Variants in AGPAT3 observed in about 807,000 individuals in gnomAD.
The protein encoded by AGPAT3 is 1-acylglycerol-3-phosphate O-acyltransferase 3.
AGPAT3 carries 5 observed loss-of-function variants against 47.3 expected under a neutral mutation model. That is an observed-to-expected ratio of 0.11 (90% confidence interval 0.06 to 0.22). AGPAT3 has a LOEUF of 0.22. Ranked by LOEUF, AGPAT3 falls within the 10% of genes least tolerant of loss-of-function variation. The pLI, the probability that AGPAT3 is intolerant of heterozygous loss-of-function variation, is 1.00. For missense variants in AGPAT3, 315 were observed against 493.0 expected (o/e 0.64, Z 3.42); for synonymous variants, 212 against 208.3 (o/e 1.02, Z -0.15).
At chr21:43,929,586 G>A (rs1428870772) in intron 2 of AGPAT3, among the ~76,000 whole-genome samples, 1 of 152,256 alleles carries the variant, frequency 6.6e-6, no homozygotes, top group Non-Finnish European at 1.5e-5. Flanking sequence ...TCCCCCGGTC[G>A]CCGCTGTCCT....
chr21:43,963,570 C>T (rs918581497), intron 3 of AGPAT3, among the ~76,000 whole-genome samples: 1 of 151,866 alleles, frequency 6.6e-6, no homozygotes, highest in African/African-American at 2.4e-5. Flanking sequence ...ATTAGCTGGG[C>T]CTGGTGGCAC....
At chr21:43,964,751 T>G (rs2089043340) in intron 3 of AGPAT3, among the ~76,000 whole-genome samples, 1 of 152,194 alleles carries the variant, frequency 6.6e-6, no homozygotes, top group Non-Finnish European at 1.5e-5. Flanking sequence ...GGCCTCTCCA[T>G]CTGCTGGGCT....
rs2088325695 is a variant in AGPAT3 at position 43,954,067 on chromosome 21, A to G, written c.-48-5567A>G. On this transcript the variant is annotated intron_variant, in intron 2 of 9. Coordinates refer to ENST00000291572, the MANE Select transcript of AGPAT3 (RefSeq NM_020132.5). The surrounding 1 kb of genome is among the most constrained non-coding windows in gnomAD (Gnocchi z 4.0). Reference sequence around the variant, plus strand: ...AACTTCACATTGTCTGGGGATGCATAATTTCCTAAAAATCGCTCTCATGGG... The same window carrying G: ...AACTTCACATTGTCTGGGGATGCATGATTTCCTAAAAATCGCTCTCATGGG... Among the ~76,000 whole-genome samples the G allele has an allele frequency of 6.6e-6, 1 of 152,254 alleles. No homozygotes were observed. Among genetic ancestry groups the G allele is most frequent in the African/African-American group, 2.4e-5 (1 of 41,476 alleles).
chr21:43,883,005 G>A (rs2085888173), intron 1 of AGPAT3, among the ~76,000 whole-genome samples: 1 of 152,368 alleles, frequency 6.6e-6, no homozygotes, highest in Admixed American at 6.5e-5. Context: ...CTGGAAGGCA[G>A]GAGAGAGCAA....
intron 2 of AGPAT3, among the ~76,000 whole-genome samples, chr21:43,947,924 G>A (rs2087980958): frequency 6.6e-6 from 1 of 152,134 alleles, no homozygotes; most frequent in African/African-American, 2.4e-5. Context: ...CCAAAGTGCT[G>A]GGATTACAGG....
rs1440500234 is a variant in AGPAT3 at position 43,959,118 on chromosome 21, T to C, written c.-48-516T>C. On this transcript the variant is annotated intron_variant, in intron 2 of 9. Coordinates refer to ENST00000291572, the MANE Select transcript of AGPAT3 (RefSeq NM_020132.5). ...TGTCATGTGTGTGGTTTGCAGTGTGTGTGTGTGGCATGTGTTTGGTTTGCG... is the reference window on the plus strand; with the variant it reads ...TGTCATGTGTGTGGTTTGCAGTGTGCGTGTGTGGCATGTGTTTGGTTTGCG... Among the ~76,000 whole-genome samples the C allele has an allele frequency of 3.6e-5, 5 of 139,408 alleles. No homozygotes were observed. In the Admixed American group the frequency reaches 3.7e-4, roughly 10 times the overall value. 91.5% of individuals were successfully genotyped at this position (139,408 alleles called of 152,430 possible). A position where few individuals can be genotyped will look rare whatever the true frequency, so the allele number is the denominator to read the frequency against.
intron 2 of AGPAT3, among the ~76,000 whole-genome samples, chr21:43,918,437 A>C (rs937672127): frequency 6.6e-6 from 1 of 152,068 alleles, no homozygotes; most frequent in African/African-American, 2.4e-5. Context: ...TTGCATTTCT[A>C]AAGGGCTATG....
chr21:43,929,743 T>C (rs894645175), intron 2 of AGPAT3, among the ~76,000 whole-genome samples: 15 of 152,278 alleles, frequency 9.9e-5, no homozygotes, highest in African/African-American at 3.4e-4. Flanking sequence ...TTCCTCAGGC[T>C]GGAGGGTGGG....
chr21:43,971,362 A>C, intron 6 of AGPAT3, 26 bp from the exon 7 acceptor site: 1 of 1,608,530 alleles, frequency 6.2e-7, no homozygotes, highest in Non-Finnish European at 8.5e-7. Flanking sequence ...GGGCTGGGTC[A>C]TTCACCCTCC....
chr21:43,942,116 C>T (rs541117301), intron 2 of AGPAT3, among the ~76,000 whole-genome samples: 35 of 152,402 alleles, frequency 2.3e-4, no homozygotes, highest in African/African-American at 7.0e-4. Flanking sequence ...GCCGTGGCAG[C>T]GTACCCACAG....
At chr21:43,976,410 G>A (rs1204662398) in intron 7 of AGPAT3, among the ~76,000 whole-genome samples, 1 of 152,224 alleles carries the variant, frequency 6.6e-6, no homozygotes, top group African/African-American at 2.4e-5. Flanking sequence ...ATGTTGGTCA[G>A]GCTGGTCTTG....
At chr21:43,944,724 C>G (rs1397399655) in intron 2 of AGPAT3, among the ~76,000 whole-genome samples, 2 of 152,206 alleles carry the variant, frequency 1.3e-5, no homozygotes, top group Admixed American at 6.5e-5. Flanking sequence ...TGGGTTTCAT[C>G]TAAGCTTTTT....
chr21:43,884,293 T>C (rs62228695), intron 1 of AGPAT3, among the ~76,000 whole-genome samples: 3,914 of 130,500 alleles, frequency 0.03, 63 homozygotes, highest in Middle Eastern at 0.078. Flanking sequence ...CCCTCCTCCT[T>C]CTCTCCTGCT....
In AGPAT3 at chr21:43,971,479, C is replaced by T. The variant is rs1314229305; in HGVS notation, c.756C>T (p.Asp252=). The T allele has an allele frequency of 6.2e-7, 1 of 1,614,204 alleles. No homozygotes were observed. The highest frequency in any genetic ancestry group is 1.1e-5 in the South Asian group (1 of 91,082). ...TCTACGGGAAGAAGTACGAGGCGGACATGTGCGTGAGGTGAGGCCAGACCC... is the reference window on the plus strand; with the variant it reads ...TCTACGGGAAGAAGTACGAGGCGGATATGTGCGTGAGGTGAGGCCAGACCC... The part of the protein sequence containing the change: ...GILYGKKYEA[D]MCVRRFPLED... The change falls in exon 7 of 10, where the codon GAC becomes GAT. Residue 252 remains aspartate, a synonymous_variant. Transcript: ENST00000291572.
chr21:43,872,958 G>A (rs746185890), intron 1 of AGPAT3, among the ~76,000 whole-genome samples: 6 of 152,260 alleles, frequency 3.9e-5, no homozygotes, highest in Non-Finnish European at 8.8e-5. Flanking sequence ...CCGGGAAGAC[G>A]CAGAAACAAA....
intron 1 of AGPAT3, chr21:43,867,717 A>G (rs1601174737): frequency 6.6e-6 from 1 of 152,204 alleles, no homozygotes; most frequent in Non-Finnish European, 1.5e-5. Context: ...GCAGCGTGGG[A>G]CGTGATTGGC....
intron 2 of AGPAT3, among the ~76,000 whole-genome samples, chr21:43,928,619 C>A (rs1171372272): frequency 6.6e-6 from 1 of 152,206 alleles, no homozygotes. Flanking sequence ...CTGATACATG[C>A]GCATTTTAGT....
intron 2 of AGPAT3, among the ~76,000 whole-genome samples, chr21:43,913,333 C>G (rs1318797651): frequency 1.3e-5 from 2 of 152,168 alleles, no homozygotes; most frequent in Non-Finnish European, 2.9e-5. Context: ...TGTGGTGGCT[C>G]ATGCCTATAA....
chr21:43,911,893 C>T (rs1334910750), intron 2 of AGPAT3, among the ~76,000 whole-genome samples: 1 of 152,230 alleles, frequency 6.6e-6, no homozygotes, highest in East Asian at 1.9e-4. Flanking sequence ...TGTGTCTTCT[C>T]TCAGACACTG....
Sources: gnomAD v4.1 joint callset for allele counts (sites outside exome capture counted in the v4.1 genomes callset) on GRCh38, gnomAD v4.1.1 for gene constraint, Gnocchi (gnomAD v3.1) non-coding constraint, MANE v1.5 for transcripts, NCBI Gene and HGNC (gene_info 2026-07-23, HGNC 2026-07-21) for gene names.